KLF12: variants seen among roughly 807,000 people sequenced by gnomAD.
KLF12 encodes KLF transcription factor 12.
Under a neutral mutation model 37.8 loss-of-function variants are expected in KLF12, and 9 were observed. The ratio of observed to expected loss-of-function variants is 0.24; its 90% confidence interval spans 0.14 to 0.42. The LOEUF is 0.42. Ranked by LOEUF, KLF12 falls within the 10% of genes least tolerant of loss-of-function variation. The pLI, the probability that KLF12 is intolerant of heterozygous loss-of-function variation, is 1.00. For synonymous variants in KLF12, 208 were observed against 202.1 expected, an observed-to-expected ratio of 1.03 and a Z score of -0.25; for missense variants, 411 against 516.0, an observed-to-expected ratio of 0.80 and a Z score of 1.97.
rs1883526479 is a variant in KLF12 at position 73,821,533 on chromosome 13, C to T, written c.671-8246G>A. Reference sequence around the variant, plus strand: ...CGGATGCTAAGTGCTCTTGCTTTTACCCAATGATTATTTTCTTTTCCCACT... The same window carrying T: ...CGGATGCTAAGTGCTCTTGCTTTTATCCAATGATTATTTTCTTTTCCCACT... On this transcript the variant is annotated intron_variant, in intron 4 of 7. Transcript: ENST00000377669. Among the ~76,000 whole-genome samples, 2 of 152,180 alleles carry T rather than the reference C, an allele frequency of 1.3e-5. 1 individual carries two copies. Among genetic ancestry groups the T allele is most frequent in the South Asian group, 4.1e-4 (2 of 4,830 alleles).
intron 1 of KLF12, among the ~76,000 whole-genome samples, chr13:74,063,056 C>A (rs1321310901): frequency 6.6e-6 from 1 of 152,120 alleles, no homozygotes; most frequent in Non-Finnish European, 1.5e-5. Flanking sequence ...TTCGGAAAAA[C>A]CTCTCTCTCC....
intron 3 of KLF12, among the ~76,000 whole-genome samples, chr13:73,921,432 T>C (rs1276991262): frequency 6.6e-6 from 1 of 152,204 alleles, no homozygotes; most frequent in African/African-American, 2.4e-5. Flanking sequence ...CTATAAATAC[T>C]TATGTATTAA....
rs748743108 is a variant in KLF12, at chr13:73,695,517, C to T, written c.1182G>A (p.Leu394=). The change falls in exon 8 of 8, where the codon CTG becomes CTA. Residue 394 remains leucine (L), a synonymous_variant. Transcript: ENST00000377669. ...ACACCAACATATGCCTCCGGCGGTG[C>T]AGGGCCAAATGATCTGACCGGGAAA... The T allele has an allele frequency of 3.1e-6, 5 of 1,613,992 alleles. No homozygotes were observed. The Admixed American group carries it at 8.3e-5, about 27-fold the overall frequency.
chr13:73,967,089 C>A (rs186337686), intron 2 of KLF12, among the ~76,000 whole-genome samples: 1 of 152,156 alleles, frequency 6.6e-6, no homozygotes, highest in Non-Finnish European at 1.5e-5. Flanking sequence ...TTTTCTAATA[C>A]CTTCCTATGA....
At chr13:73,743,688 T>C (rs1008764292) in intron 6 of KLF12, among the ~76,000 whole-genome samples, 8 of 152,204 alleles carry the variant, frequency 5.3e-5, no homozygotes, top group Non-Finnish European at 1.2e-4. Flanking sequence ...TGTGTATTTA[T>C]GTAGAGTTGG....
At chr13:74,017,666 T>A (rs1351012938) in intron 1 of KLF12, among the ~76,000 whole-genome samples, 1 of 150,326 alleles carries the variant, frequency 6.7e-6, no homozygotes, top group African/African-American at 2.4e-5. Context: ...AAGATTTTCC[T>A]GAGATAAGTT....
At chr13:73,852,931 G>A (rs1302907325) in intron 3 of KLF12, among the ~76,000 whole-genome samples, 5 of 148,026 alleles carry the variant, frequency 3.4e-5, no homozygotes, top group East Asian at 4.1e-4. Flanking sequence ...GTGCAGTGGC[G>A]CGATCTCAGC....
At chr13:74,204,109 C>A in the KLF12 span, among the ~76,000 whole-genome samples, 2 of 152,088 alleles carry the variant, frequency 1.3e-5, no homozygotes, top group Admixed American at 6.6e-5. Context: ...GTAGAATGGG[C>A]TTTGAAATGA....
chr13:74,136,448 A>C (rs1375880288), upstream of KLF12, among the ~76,000 whole-genome samples: 2 of 152,186 alleles, frequency 1.3e-5, no homozygotes, highest in Non-Finnish European at 2.9e-5. Flanking sequence ...AATCACTGTG[A>C]AGTTTCCCTC....
rs1043022711 is a variant in KLF12, at chr13:73,767,657, T to C, written c.807-2657A>G. ...ATGTGTACCAACTGTTCTATTTATA[T>C]ACACTTACTCATCTGGAGCAGAGAG... On this transcript the variant is annotated intron_variant, in intron 5 of 7. Coordinates refer to ENST00000377669, the MANE Select transcript of KLF12 (RefSeq NM_007249.5). 3.9e-5 allele frequency among the ~76,000 whole-genome samples: 6 copies of C among 152,246 alleles called. No individual in the cohort carries two copies. In the East Asian group the frequency reaches 1.2e-3, roughly 29 times the overall value.
At chr13:73,757,543 A>G (rs1879256250) in intron 6 of KLF12, among the ~76,000 whole-genome samples, 1 of 152,204 alleles carries the variant, frequency 6.6e-6, no homozygotes, top group South Asian at 2.1e-4. Context: ...TAAAATTGCT[A>G]GTTCACTGTC....
chr13:74,269,111 G>A, the KLF12 span, among the ~76,000 whole-genome samples: 5 of 152,138 alleles, frequency 3.3e-5, no homozygotes, highest in Non-Finnish European at 7.4e-5. Context: ...CTAAGACTTA[G>A]AATTCTCAGG....
chr13:74,175,314 C>G, the KLF12 span, among the ~76,000 whole-genome samples: 3 of 152,158 alleles, frequency 2.0e-5, no homozygotes, highest in Admixed American at 6.5e-5. Flanking sequence ...GAAAGTGGCT[C>G]AGATGTAGGG....
chr13:74,301,181 A>G, the KLF12 span, among the ~76,000 whole-genome samples: 1 of 152,214 alleles, frequency 6.6e-6, no homozygotes, highest in African/African-American at 2.4e-5. Context: ...CAGTACATCT[A>G]GAACAGTATT....
chr13:73,860,405 A>T (rs1159071977), intron 3 of KLF12, among the ~76,000 whole-genome samples: 1 of 152,160 alleles, frequency 6.6e-6, no homozygotes, highest in Non-Finnish European at 1.5e-5. Context: ...GTAAAGCTCC[A>T]GTTGCTCCCC....
chr13:74,241,783 A>G, the KLF12 span, among the ~76,000 whole-genome samples: 1 of 152,136 alleles, frequency 6.6e-6, no homozygotes, highest in Admixed American at 6.5e-5. Flanking sequence ...AAGTGAGGCA[A>G]TGCCTCGCCC....
At chr13:73,942,451 G>T (rs1890231819) in intron 3 of KLF12, among the ~76,000 whole-genome samples, 1 of 151,886 alleles carries the variant, frequency 6.6e-6, no homozygotes, top group South Asian at 2.1e-4. Context: ...ACTAGATTAA[G>T]AAATGAATTA....
At chr13:73,959,098 C>T (rs9573332) in intron 2 of KLF12, among the ~76,000 whole-genome samples, 99,151 of 138,366 alleles carry the variant, frequency 0.72, 36,529 homozygotes, top group East Asian at 0.89. Flanking sequence ...CCAAGTTCAG[C>T]ATCTCTGACC....
chr13:74,084,585 A>G (rs966960355), intron 1 of KLF12, among the ~76,000 whole-genome samples: 1 of 152,172 alleles, frequency 6.6e-6, no homozygotes, highest in Non-Finnish European at 1.5e-5. Context: ...CTTCTGCATG[A>G]TTTTGAGGAT....
Sources: gnomAD v4.1 joint callset for allele counts (sites outside exome capture counted in the v4.1 genomes callset) on GRCh38, gnomAD v4.1.1 for gene constraint, MANE v1.5 for transcripts, NCBI Gene and HGNC (gene_info 2026-07-23, HGNC 2026-07-21) for gene names.